The following ZNF717 variants were observed in gnomAD, a reference collection of about 807,000 sequenced individuals.
ZNF717 encodes the protein zinc finger protein 717, also known as krueppel-like factor X17.
In ZNF717, 9 loss-of-function variants were observed where a neutral mutation model predicts 13.8. That is an observed-to-expected ratio of 0.65 (90% confidence interval 0.39 to 1.14). ZNF717 has a LOEUF of 1.14. Among genes scored for constraint, ZNF717 ranks in the 50% most tolerant of loss-of-function variants. The probability of loss-of-function intolerance (pLI) is 0.01; values close to 1 mark genes in which losing one functional copy is unlikely to be tolerated. For missense variants in ZNF717, 1,040 were observed against 1,080.7 expected, an observed-to-expected ratio of 0.96 and a Z score of 0.53; for synonymous variants, 327 against 364.1, an observed-to-expected ratio of 0.90 and a Z score of 1.16.
chr3:75,734,999 G>T (rs112760237), downstream of ZNF717, among the ~76,000 whole-genome samples: 1 of 150,356 alleles, frequency 6.7e-6, no homozygotes, highest in Admixed American at 6.6e-5. Flanking sequence ...CTAATTTTTT[G>T]TATTTTTAGT....
chr3:75,748,451 G>A (rs1941377538), intron 2 of ZNF717, among the ~76,000 whole-genome samples: 2 of 152,130 alleles, frequency 1.3e-5, no homozygotes, highest in Non-Finnish European at 2.9e-5. Flanking sequence ...TACAATACTT[G>A]CAAAACCTAA....
At chr3:75,742,112 C>T (rs1940540793) in intron 2 of ZNF717, among the ~76,000 whole-genome samples, 1 of 152,092 alleles carries the variant, frequency 6.6e-6, no homozygotes, top group Non-Finnish European at 1.5e-5. Context: ...TAGAACCACC[C>T]TTATTGCTAG....
chr3:75,734,867 G>C (rs1398931651), downstream of ZNF717, among the ~76,000 whole-genome samples: 1 of 135,814 alleles, frequency 7.4e-6, no homozygotes, highest in Non-Finnish European at 1.5e-5. Context: ...CTGTCACCCA[G>C]GCTGGAGTGC....
downstream of ZNF717, among the ~76,000 whole-genome samples, chr3:75,705,554 C>T (rs1365255403): frequency 1.5e-3 from 235 of 152,308 alleles, no homozygotes; most frequent in African/African-American, 5.3e-3. Context: ...GTGTGCAACG[C>T]GTTATTAATT....
At position 75,741,271 on chromosome 3, in the gene ZNF717, C is replaced by A; in HGVS notation, c.277+5G>T. On this transcript the variant is annotated splice_donor_5th_base_variant and intron_variant, in intron 4 of 4. Coordinates refer to ENST00000652011, the MANE Select transcript of ZNF717 (RefSeq NM_001290208.3). ...GGCCTCCCTGCCTGGTATTCACTGA[C>A]TGACCTGAAAGTCTCAGGTTTGGGG... The A allele has an allele frequency of 6.5e-7, 1 of 1,529,264 alleles. No individual in the cohort carries two copies. The highest frequency in any genetic ancestry group is 8.9e-7 in the Non-Finnish European group (1 of 1,127,014). The allele number at this position is 1,529,264 out of a possible 1,614,324, so 94.7% of individuals were successfully genotyped here.
downstream of ZNF717, among the ~76,000 whole-genome samples, chr3:75,735,083 C>A (rs1938996849): frequency 6.6e-6 from 1 of 152,156 alleles, no homozygotes; most frequent in Non-Finnish European, 1.5e-5. Context: ...TCTCAGCCTC[C>A]CAAAGTGTTG....
chr3:75,747,519 G>A (rs752822725), intron 2 of ZNF717, among the ~76,000 whole-genome samples: 1 of 152,064 alleles, frequency 6.6e-6, no homozygotes, highest in African/African-American at 2.4e-5. Flanking sequence ...ACTGGTTTGT[G>A]TCCTCTTTTA....
At chr3:75,697,254 A>T (rs10222664) in intron 6 of ZNF717, among the ~76,000 whole-genome samples, 2 of 141,638 alleles carry the variant, frequency 1.4e-5, no homozygotes. Flanking sequence ...TTTTTTTACC[A>T]ATGATATAAT....
chr3:75,744,681 TG>T (rs1183796891), intron 2 of ZNF717, among the ~76,000 whole-genome samples: 57 of 152,340 alleles, frequency 3.7e-4, no homozygotes, highest in African/African-American at 1.3e-3. Context: ...ACTGTAAAAT[TG>T]TCTCATGGAG....
chr3:75,738,358 G>A lies in ZNF717; in HGVS notation c.1265C>T (p.Pro422Leu). ...IHHRTHTGEK[P>L]YACDHCEEAF... ...TTCTTCACAATGGTCACATGCATAG[G>A]GCTTTTCCCCTGTGTGAGTTCTATG... is the stretch of plus-strand genomic sequence containing the variant. The change falls in exon 5 of 5, where the codon CCC becomes CTC. Residue 422 changes from proline (P) to leucine (L), a missense_variant. Transcript: ENST00000652011. 5.2e-6 allele frequency: 8 copies of A among 1,533,704 alleles called. No individual in the cohort carries two copies. The highest frequency in any genetic ancestry group is 7.1e-6 in the Non-Finnish European group (8 of 1,134,494).
intron 2 of ZNF717, among the ~76,000 whole-genome samples, chr3:75,758,439 G>A (rs1163425554): frequency 6.6e-6 from 1 of 152,134 alleles, no homozygotes; most frequent in Non-Finnish European, 1.5e-5. Flanking sequence ...TACAGCAGAA[G>A]GAGGGCTTGA....
At position 75,738,368 on chromosome 3, in the gene ZNF717, CTG is replaced by C; in HGVS notation, c.1253_1254del (p.Thr418ArgfsTer8). On this transcript the variant is annotated frameshift_variant, in exon 5 of 5. Transcript: ENST00000652011. LOFTEE classifies it low-confidence loss of function (END_TRUNC). The stretch of plus-strand genomic sequence containing the variant: ...TGGTCACATGCATAGGGCTTTTCCC[CTG>C]TGTGAGTTCTATGATGTATTGTGAG... ...SYLTIHHRTH[T>X]GEKPYACDHC... 12 of 1,541,874 alleles carry C rather than the reference CTG, an allele frequency of 7.8e-6. No individual in the cohort carries two copies. Among genetic ancestry groups the C allele is most frequent in the Middle Eastern group, 1.7e-4 (1 of 5,960 alleles).
chr3:75,772,745 G>A (rs1481976071), intron 2 of ZNF717, among the ~76,000 whole-genome samples: 6 of 152,258 alleles, frequency 3.9e-5, no homozygotes, highest in African/African-American at 9.6e-5. Flanking sequence ...ACTAGCATGA[G>A]CCGAGTGGAC....
At chr3:75,711,911 C>G (rs2106837691) in intron 5 of ZNF717, among the ~76,000 whole-genome samples, 1 of 152,334 alleles carries the variant, frequency 6.6e-6, no homozygotes, top group Non-Finnish European at 1.5e-5. Context: ...GATCAAAGGT[C>G]CTAATTGACA....
At chr3:75,727,586 G>C (rs1442946674), downstream of ZNF717, among the ~76,000 whole-genome samples, 3 of 152,194 alleles carry the variant, frequency 2.0e-5, no homozygotes, top group Non-Finnish European at 4.4e-5. Flanking sequence ...AATACACCCT[G>C]GTCTCCTGCA....
chr3:75,777,557 C>T (rs1478447465), intron 2 of ZNF717, among the ~76,000 whole-genome samples: 4 of 151,062 alleles, frequency 2.6e-5, no homozygotes, highest in African/African-American at 9.7e-5. Flanking sequence ...AAACCTGAAC[C>T]CAAAACAATG....
intron 6 of ZNF717, among the ~76,000 whole-genome samples, chr3:75,701,220 G>A (rs1937688817): frequency 6.6e-6 from 1 of 152,306 alleles, no homozygotes; most frequent in Non-Finnish European, 1.5e-5. Context: ...AGATCTGATG[G>A]TTTTATAAGG....
chr3:75,735,404 T>C (rs1939039185), downstream of ZNF717, among the ~76,000 whole-genome samples: 1 of 151,942 alleles, frequency 6.6e-6, no homozygotes, highest in South Asian at 2.1e-4. Flanking sequence ...GGTAGAAAGA[T>C]GGCTTGAGTC....
chr3:75,754,649 A>C (rs1942312156), intron 2 of ZNF717, among the ~76,000 whole-genome samples: 1 of 152,254 alleles, frequency 6.6e-6, no homozygotes, highest in Non-Finnish European at 1.5e-5. Context: ...TATCAACAGA[A>C]ACTTCAAAAA....
Sources: allele counts gnomAD v4.1 joint callset (sites outside exome capture counted in the v4.1 genomes callset), GRCh38; gene constraint gnomAD v4.1.1; transcripts MANE v1.5; gene names NCBI Gene and HGNC (gene_info 2026-07-23, HGNC 2026-07-21).